NEGR1: variants seen among roughly 807,000 people sequenced by gnomAD.
NEGR1 encodes neuronal growth regulator 1, also known as IgLON family member 4.
In NEGR1, 10 loss-of-function variants were observed where a neutral mutation model predicts 40.9. That is an observed-to-expected ratio of 0.24 (90% CI 0.15 to 0.42). The LOEUF (loss-of-function observed/expected upper bound fraction) is 0.42, where lower values mean the gene tolerates loss of function less well. NEGR1 is among the 10% of genes least tolerant of loss of function. The pLI is 1.00. For missense variants in NEGR1, 352 were observed against 438.9 expected (o/e 0.80, Z 1.77); for synonymous variants, 185 against 166.8 (o/e 1.11, Z -0.84).
chr1:71,513,090 G>C (rs357202), intron 6 of NEGR1, among the ~76,000 whole-genome samples: 1 of 151,904 alleles, frequency 6.6e-6, no homozygotes, highest in African/African-American at 2.4e-5. Flanking sequence ...TACAATTATA[G>C]ATACAATTCA....
At chr1:72,240,310 T>C (rs1654690599) in intron 1 of NEGR1, among the ~76,000 whole-genome samples, 1 of 151,766 alleles carries the variant, frequency 6.6e-6, no homozygotes, top group Non-Finnish European at 1.5e-5. Flanking sequence ...GTGCCCTAAT[T>C]AAAGAGGACC....
chr1:72,150,694 G>A (rs1391223161), intron 1 of NEGR1, among the ~76,000 whole-genome samples: 1 of 152,046 alleles, frequency 6.6e-6, no homozygotes, highest in Admixed American at 6.6e-5. Flanking sequence ...TGACCAGAAA[G>A]CTGTCAACAG....
At chr1:71,690,619 CAGAGAGAGAGAG>C (rs59019409) in intron 4 of NEGR1, among the ~76,000 whole-genome samples, 3,649 of 67,702 alleles carry the variant, frequency 0.054, 64 homozygotes, top group African/African-American at 0.11. Context: ...TAGAGGGAGA[CAGAGAGAGAGAG>C]AGAGAGAGAG....
At chr1:71,839,397 G>T (rs1659158147) in intron 2 of NEGR1, among the ~76,000 whole-genome samples, 1 of 151,002 alleles carries the variant, frequency 6.6e-6, no homozygotes, top group Admixed American at 6.6e-5. Context: ...TTTTAGTAGA[G>T]ATGGGGTTTC....
chr1:71,552,680 T>C (rs1244379415), intron 6 of NEGR1, among the ~76,000 whole-genome samples: 1 of 150,840 alleles, frequency 6.6e-6, no homozygotes, highest in Non-Finnish European at 1.5e-5. Context: ...TATGACATTA[T>C]ATATTCCACA....
chr1:72,175,894 A>G (rs1383881597), intron 1 of NEGR1, among the ~76,000 whole-genome samples: 2 of 152,142 alleles, frequency 1.3e-5, no homozygotes, highest in Non-Finnish European at 2.9e-5. Flanking sequence ...GACATTATAA[A>G]TAAAACTATT....
At chr1:71,673,749 A>G (rs1377008407) in intron 4 of NEGR1, among the ~76,000 whole-genome samples, 1 of 152,148 alleles carries the variant, frequency 6.6e-6, no homozygotes, top group East Asian at 1.9e-4. Context: ...ATCAATGCTT[A>G]TAGTAATTAC....
chr1:72,040,943 C>A (rs1487415457), intron 1 of NEGR1, among the ~76,000 whole-genome samples: 1 of 151,902 alleles, frequency 6.6e-6, no homozygotes, highest in African/African-American at 2.4e-5. Context: ...AGCACTCTAT[C>A]CCTCTCCAGA....
chr1:71,627,481 T>G (rs1650825182), intron 4 of NEGR1, among the ~76,000 whole-genome samples: 1 of 152,040 alleles, frequency 6.6e-6, no homozygotes, highest in Non-Finnish European at 1.5e-5. Flanking sequence ...ACTGTTAGAC[T>G]AATGCCATTT....
At chr1:71,785,633 G>A (rs1309441018) in intron 2 of NEGR1, among the ~76,000 whole-genome samples, 1 of 152,086 alleles carries the variant, frequency 6.6e-6, no homozygotes, top group Non-Finnish European at 1.5e-5. Context: ...AATACCCTTT[G>A]GAATGGCCCA....
intron 2 of NEGR1, among the ~76,000 whole-genome samples, chr1:71,842,282 T>C (rs1407463293): frequency 1.3e-5 from 2 of 152,174 alleles, no homozygotes; most frequent in African/African-American, 4.8e-5. Context: ...GTGTCTTCCC[T>C]GGTGATTCTT....
intron 4 of NEGR1, among the ~76,000 whole-genome samples, chr1:71,640,599 GA>G (rs1292953784): frequency 6.6e-6 from 1 of 151,962 alleles, no homozygotes; most frequent in Admixed American, 6.6e-5. Context: ...ACAGTCACTT[GA>G]AAAATAAAGT....
chr1:71,813,063 G>A (rs547124021), intron 2 of NEGR1, among the ~76,000 whole-genome samples: 181 of 151,910 alleles, frequency 1.2e-3, no homozygotes, highest in African/African-American at 4.1e-3. Flanking sequence ...TTACAAATTT[G>A]GATTTTATAT....
chr1:71,458,430 G>A (rs1646690365), intron 6 of NEGR1, among the ~76,000 whole-genome samples: 1 of 152,220 alleles, frequency 6.6e-6, no homozygotes, highest in African/African-American at 2.4e-5. Context: ...AGATTTAACA[G>A]TAACCTATGT....
chr1:71,621,134 T>C (rs1650595086), intron 4 of NEGR1, among the ~76,000 whole-genome samples: 1 of 151,896 alleles, frequency 6.6e-6, no homozygotes, highest in Admixed American at 6.6e-5. Flanking sequence ...AAATGAATTT[T>C]TAAAAATTCA....
chr1:71,965,869 G>GAAA (rs1186841544), intron 1 of NEGR1, among the ~76,000 whole-genome samples: 2 of 151,802 alleles, frequency 1.3e-5, no homozygotes, highest in African/African-American at 4.8e-5. Context: ...AGTAGAAAAA[G>GAAA]AAAAAAATCA....
intron 1 of NEGR1, among the ~76,000 whole-genome samples, chr1:72,052,417 A>C (rs1177556543): frequency 2.0e-5 from 3 of 151,444 alleles, no homozygotes; most frequent in Non-Finnish European, 4.4e-5. Flanking sequence ...TTAAATGAAG[A>C]ATCTTGGAGA....
intron 6 of NEGR1, among the ~76,000 whole-genome samples, chr1:71,526,772 C>CA (rs1647221365): frequency 1.3e-5 from 2 of 151,550 alleles, no homozygotes; most frequent in Admixed American, 1.3e-4. Context: ...TCCTGACTCT[C>CA]AGAGTTACAT....
At chr1:71,548,473 A>G (rs1647972240) in intron 6 of NEGR1, among the ~76,000 whole-genome samples, 1 of 151,660 alleles carries the variant, frequency 6.6e-6, no homozygotes, top group South Asian at 2.1e-4. Context: ...CAACCTTCAG[A>G]AAAAAGGAAA....
Sources: gnomAD v4.1 joint callset for allele counts (sites outside exome capture counted in the v4.1 genomes callset) on GRCh38, gnomAD v4.1.1 for gene constraint, MANE v1.5 for transcripts, NCBI Gene and HGNC (gene_info 2026-07-23, HGNC 2026-07-21) for gene names.